CNTNAP4: variants seen among roughly 807,000 people sequenced by gnomAD.
The protein encoded by CNTNAP4 is contactin associated protein family member 4.
A neutral mutation model predicts 148.4 loss-of-function variants in CNTNAP4; 98 were observed. The ratio of observed to expected loss-of-function variants is 0.66; its 90% CI spans 0.56 to 0.78. The LOEUF is 0.78. Ranked by LOEUF, CNTNAP4 falls within the 30% of genes least tolerant of loss-of-function variation. CNTNAP4 has a pLI of 0.00. For synonymous variants in CNTNAP4, 730 were observed against 565.1 expected (o/e 1.29, Z -4.14); for missense variants, 1,935 against 1,565.6 (o/e 1.24, Z -3.98).
intron 3 of CNTNAP4, among the ~76,000 whole-genome samples, chr16:76,366,378 A>G (rs1380050947): frequency 6.6e-6 from 1 of 152,146 alleles, no homozygotes. Flanking sequence ...GTAGGAACAT[A>G]TAGCATTTGG....
At chr16:76,402,084 C>T (rs891425813) in intron 3 of CNTNAP4, among the ~76,000 whole-genome samples, 2 of 152,084 alleles carry the variant, frequency 1.3e-5, no homozygotes, top group Non-Finnish European at 2.9e-5. Flanking sequence ...AGTCCTTCCT[C>T]CTCAGTTTTT....
intron 12 of CNTNAP4, among the ~76,000 whole-genome samples, chr16:76,485,083 C>T (rs547012271): frequency 6.6e-6 from 1 of 152,198 alleles, no homozygotes; most frequent in Admixed American, 6.5e-5. Flanking sequence ...TAAGGTGAAT[C>T]CCAGGGGCTG....
intron 3 of CNTNAP4, among the ~76,000 whole-genome samples, chr16:76,386,872 A>G (rs879284202): frequency 6.6e-6 from 1 of 152,174 alleles, no homozygotes; most frequent in African/African-American, 2.4e-5. Context: ...AAGGAGGCCT[A>G]AAAGGAGATT....
Position 76,559,530 on chromosome 16 carries a change from A to G in CNTNAP4, c.*847A>G, listed in dbSNP as rs2085336472. 6.6e-6 allele frequency among the ~76,000 whole-genome samples: 1 copy of G among 152,206 alleles called. No homozygotes were observed. The highest frequency in any genetic ancestry group is 1.5e-5 in the Non-Finnish European group (1 of 68,036). On this transcript the variant is annotated 3_prime_UTR_variant, in exon 24 of 24. Coordinates refer to ENST00000611870, the MANE Select transcript of CNTNAP4 (RefSeq NM_033401.5). ...AACTAAACTGTTGATATATTAAAAA[A>G]AATTCTTAACACAGCAAAAAATTAT...
At chr16:76,533,082 A>C (rs2084055268) in intron 17 of CNTNAP4, among the ~76,000 whole-genome samples, 1 of 152,126 alleles carries the variant, frequency 6.6e-6, no homozygotes, top group Admixed American at 6.6e-5. Context: ...ATGTGGAATC[A>C]ACCCAGTTGT....
At chr16:76,323,126 C>T (rs2144161164) in intron 2 of CNTNAP4, among the ~76,000 whole-genome samples, 1 of 152,206 alleles carries the variant, frequency 6.6e-6, no homozygotes, top group East Asian at 1.9e-4. Context: ...AGGTTACACG[C>T]CTGAGCCACT....
At chr16:76,317,306 C>A (rs7498339) in intron 2 of CNTNAP4, among the ~76,000 whole-genome samples, 5,309 of 82,118 alleles carry the variant, frequency 0.065, 365 homozygotes, top group African/African-American at 0.19. Flanking sequence ...AAAAACCCCC[C>A]AAAAAAAAAA....
intron 3 of CNTNAP4, among the ~76,000 whole-genome samples, chr16:76,384,760 A>C (rs946931938): frequency 1.3e-5 from 2 of 152,174 alleles, no homozygotes; most frequent in Non-Finnish European, 2.9e-5. Context: ...TAATTTTACA[A>C]GCATATATAA....
intron 15 of CNTNAP4, among the ~76,000 whole-genome samples, chr16:76,516,290 G>A (rs2083251491): frequency 6.6e-6 from 1 of 152,182 alleles, no homozygotes; most frequent in Non-Finnish European, 1.5e-5. Flanking sequence ...TTTCAAGGCT[G>A]CATAGTATTC....
chr16:76,307,503 C>CATAT (rs6145898), intron 1 of CNTNAP4, among the ~76,000 whole-genome samples: 1,780 of 91,504 alleles, frequency 0.019, 110 homozygotes, highest in South Asian at 0.029. Context: ...ATTTTAAATG[C>CATAT]ATATATATAT....
intron 8 of CNTNAP4, among the ~76,000 whole-genome samples, chr16:76,460,430 A>C (rs1410706594): frequency 1.3e-5 from 2 of 151,610 alleles, no homozygotes; most frequent in Admixed American, 1.3e-4. Flanking sequence ...TTTCTATGTA[A>C]GAACATTTCT....
chr16:76,337,807 G>A (rs1049598567), intron 2 of CNTNAP4, among the ~76,000 whole-genome samples: 4 of 152,098 alleles, frequency 2.6e-5, no homozygotes, highest in African/African-American at 9.7e-5. Flanking sequence ...CTTCCCCAGG[G>A]TTCTTCCTTG....
chr16:76,289,359 AT>A (rs1477214451), intron 1 of CNTNAP4, among the ~76,000 whole-genome samples: 7 of 152,024 alleles, frequency 4.6e-5, no homozygotes, highest in Admixed American at 4.6e-4. Context: ...TTTATTTTCC[AT>A]TTTCTCTTTA....
At chr16:76,467,058 A>G (rs1022804592) in intron 9 of CNTNAP4, among the ~76,000 whole-genome samples, 19 of 152,272 alleles carry the variant, frequency 1.2e-4, no homozygotes, top group Non-Finnish European at 1.9e-4. Context: ...GCTGGCTGGC[A>G]TGTTTAGGAT....
At chr16:76,528,030 C>G (rs948757669) in intron 17 of CNTNAP4, among the ~76,000 whole-genome samples, 2 of 151,780 alleles carry the variant, frequency 1.3e-5, no homozygotes, top group African/African-American at 4.8e-5. Context: ...TTTGGTAGAA[C>G]CCTATTGTGG....
At chr16:76,493,022 GC>G (rs368981049) in intron 13 of CNTNAP4, among the ~76,000 whole-genome samples, 1,877 of 151,860 alleles carry the variant, frequency 0.012, 18 homozygotes, top group South Asian at 0.024. Flanking sequence ...CTCCAGAAAG[GC>G]ATGGAAGAGG....
chr16:76,381,948 A>G (rs1386339621), intron 3 of CNTNAP4, among the ~76,000 whole-genome samples: 1 of 150,796 alleles, frequency 6.6e-6, no homozygotes, highest in Non-Finnish European at 1.5e-5. Flanking sequence ...AGTCCCAGCT[A>G]CTCGGGAGGC....
At chr16:76,491,373 C>T (rs535905820) in intron 13 of CNTNAP4, among the ~76,000 whole-genome samples, 1 of 152,306 alleles carries the variant, frequency 6.6e-6, no homozygotes, top group East Asian at 1.9e-4. Context: ...AACCTTGATT[C>T]ATGAAATGGA....
intron 3 of CNTNAP4, among the ~76,000 whole-genome samples, chr16:76,359,800 C>T (rs192409792): frequency 1.3e-5 from 2 of 152,294 alleles, no homozygotes; most frequent in Admixed American, 1.3e-4. Context: ...TAAAAAGGTT[C>T]TCTTCAGTTT....
Sources: allele counts gnomAD v4.1 joint callset (sites outside exome capture counted in the v4.1 genomes callset), GRCh38; gene constraint gnomAD v4.1.1; transcripts MANE v1.5; gene names NCBI Gene and HGNC (gene_info 2026-07-23, HGNC 2026-07-21).